EXOC4: variants seen among roughly 807,000 people sequenced by gnomAD.
EXOC4 encodes exocyst complex component 4.
Under a neutral mutation model 107.2 loss-of-function variants are expected in EXOC4, and 71 were observed. The observed-to-expected ratio is 0.66, with a 90% CI of 0.55 to 0.81. The LOEUF is 0.81. Ranked by LOEUF, EXOC4 falls within the 30% of genes least tolerant of loss-of-function variation. The pLI is 0.00. For synonymous variants in EXOC4, 456 were observed against 441.2 expected, an observed-to-expected ratio of 1.03 and a Z score of -0.42; for missense variants, 1,108 against 1,189.6, an observed-to-expected ratio of 0.93 and a Z score of 1.01.
At chr7:133,721,732 A>G (rs1447014635) in intron 10 of EXOC4, among the ~76,000 whole-genome samples, 1 of 152,194 alleles carries the variant, frequency 6.6e-6, no homozygotes, top group Non-Finnish European at 1.5e-5. Context: ...GCTTGTGTCC[A>G]TGTGTCATGA....
chr7:134,094,487 A>G, the EXOC4 span, among the ~76,000 whole-genome samples: 2 of 152,114 alleles, frequency 1.3e-5, no homozygotes, highest in African/African-American at 2.4e-5. Flanking sequence ...CCAGACATAC[A>G]AACAAGAGCT....
At chr7:133,578,171 T>G (rs1801174166) in intron 9 of EXOC4, among the ~76,000 whole-genome samples, 1 of 152,226 alleles carries the variant, frequency 6.6e-6, no homozygotes, top group Non-Finnish European at 1.5e-5. Flanking sequence ...AAGAGGAGAT[T>G]ATGATTCTGT....
At chr7:133,708,327 T>G (rs944259110) in intron 10 of EXOC4, among the ~76,000 whole-genome samples, 3 of 152,242 alleles carry the variant, frequency 2.0e-5, no homozygotes, top group African/African-American at 7.2e-5. Flanking sequence ...AACATTTTAG[T>G]TGGCTAGATG....
rs200393936 is a variant in EXOC4 at position 134,043,074 on chromosome 7, T to TC, written c.2688-21212dup. Among the ~76,000 whole-genome samples, 784 of 152,186 alleles carry TC rather than the reference T, an allele frequency of 5.2e-3. 5 individuals are homozygous for TC. The highest frequency in any genetic ancestry group is 0.017 in the African/African-American group (720 of 41,520). Reference sequence around the variant, plus strand: ...AATCAATCAATATAATGCTGCCCCTTCCCCCACTGCAGTCTCCCTCATGGG... The same window carrying TC: ...AATCAATCAATATAATGCTGCCCCTTCCCCCCACTGCAGTCTCCCTCATGGG... On this transcript the variant is annotated intron_variant, in intron 17 of 17. Transcript: ENST00000253861.
At chr7:133,586,692 G>A (rs1489936609) in intron 9 of EXOC4, among the ~76,000 whole-genome samples, 1 of 152,132 alleles carries the variant, frequency 6.6e-6, no homozygotes, top group Non-Finnish European at 1.5e-5. Context: ...CCTCTCAGAA[G>A]TTTTCTCTTC....
intron 10 of EXOC4, among the ~76,000 whole-genome samples, chr7:133,666,501 T>C (rs934306323): frequency 3.3e-5 from 5 of 152,058 alleles, no homozygotes; most frequent in African/African-American, 1.2e-4. Context: ...TGTCTTTTTT[T>C]CCCCTCCCTC....
chr7:133,638,965 G>T (rs1271348414), intron 10 of EXOC4, among the ~76,000 whole-genome samples: 5 of 152,090 alleles, frequency 3.3e-5, no homozygotes, highest in Non-Finnish European at 7.4e-5. Context: ...TGCATAATTT[G>T]TATGCTGCTT....
chr7:133,589,885 T>C (rs2150976673), intron 9 of EXOC4, among the ~76,000 whole-genome samples: 1 of 152,322 alleles, frequency 6.6e-6, no homozygotes, highest in African/African-American at 2.4e-5. Flanking sequence ...ATCAATAATT[T>C]TGATGCAGGA....
intron 17 of EXOC4, among the ~76,000 whole-genome samples, chr7:134,013,842 CTG>C (rs1421675331): frequency 6.6e-6 from 1 of 152,116 alleles, no homozygotes; most frequent in Non-Finnish European, 1.5e-5. Context: ...AGACATCAGT[CTG>C]TGCCCAGCAG....
chr7:133,321,348 C>T (rs984103304), intron 5 of EXOC4, among the ~76,000 whole-genome samples: 6 of 151,794 alleles, frequency 4.0e-5, no homozygotes, highest in Non-Finnish European at 4.4e-5. Flanking sequence ...TAGGTATACA[C>T]GTGCCATGGT....
chr7:134,023,822 G>C (rs1219160480), intron 17 of EXOC4, among the ~76,000 whole-genome samples: 2 of 152,184 alleles, frequency 1.3e-5, no homozygotes, highest in Admixed American at 1.3e-4. Flanking sequence ...TCCCAGAGAG[G>C]AACTGAAAGG....
chr7:133,330,445 G>T (rs1795355909), intron 5 of EXOC4, among the ~76,000 whole-genome samples: 1 of 152,162 alleles, frequency 6.6e-6, no homozygotes, highest in South Asian at 2.1e-4. Flanking sequence ...GTTCTGTCTT[G>T]CTGGTGTTCC....
chr7:133,465,009 C>T (rs1398701670), intron 7 of EXOC4, among the ~76,000 whole-genome samples: 6 of 151,018 alleles, frequency 4.0e-5, no homozygotes, highest in East Asian at 2.0e-4. Context: ...GGTAGAGACA[C>T]GGCCTCACTG....
chr7:133,889,467 A>C (rs1346332508), intron 11 of EXOC4, among the ~76,000 whole-genome samples: 1 of 147,502 alleles, frequency 6.8e-6, no homozygotes, highest in Non-Finnish European at 1.5e-5. Flanking sequence ...ACATGTGCAC[A>C]TTGTGCAGGT....
chr7:133,846,922 G>A (rs1798139604), intron 11 of EXOC4, among the ~76,000 whole-genome samples: 1 of 152,222 alleles, frequency 6.6e-6, no homozygotes, highest in African/African-American at 2.4e-5. Context: ...GTATGTATTT[G>A]TAAAGTTCAC....
At chr7:133,719,165 G>C (rs893621488) in intron 10 of EXOC4, among the ~76,000 whole-genome samples, 1 of 152,140 alleles carries the variant, frequency 6.6e-6, no homozygotes, top group Non-Finnish European at 1.5e-5. Flanking sequence ...GTTTTAAAAA[G>C]AGCAGTTTCC....
intron 9 of EXOC4, among the ~76,000 whole-genome samples, chr7:133,554,442 T>A (rs1020869608): frequency 6.6e-6 from 1 of 152,210 alleles, no homozygotes; most frequent in African/African-American, 2.4e-5. Context: ...TGTTTATTGC[T>A]CTGCTCGCCA....
At chr7:133,540,640 T>C (rs1299345145) in intron 9 of EXOC4, among the ~76,000 whole-genome samples, 1 of 152,240 alleles carries the variant, frequency 6.6e-6, no homozygotes, top group East Asian at 1.9e-4. Context: ...TGTGTCCTGG[T>C]AAATTGTTAT....
At chr7:133,741,115 A>C (rs1436179441) in intron 10 of EXOC4, among the ~76,000 whole-genome samples, 1 of 152,214 alleles carries the variant, frequency 6.6e-6, no homozygotes, top group Non-Finnish European at 1.5e-5. Context: ...AAAGTTGGTA[A>C]GAACTAGAGT....
Sources: allele counts gnomAD v4.1 joint callset (sites outside exome capture counted in the v4.1 genomes callset), GRCh38; gene constraint gnomAD v4.1.1; transcripts MANE v1.5; gene names NCBI Gene and HGNC (gene_info 2026-07-23, HGNC 2026-07-21).